Variants in RBFOX1 observed in about 807,000 individuals in gnomAD.
The protein encoded by RBFOX1 is RNA binding fox-1 homolog 1, also known as RNA binding protein fox-1 homolog 1.
Under a neutral mutation model 57.7 loss-of-function variants are expected in RBFOX1, and 8 were observed. The observed-to-expected ratio is 0.14, with a 90% CI of 0.08 to 0.25. The LOEUF is 0.25. RBFOX1 is among the 10% of genes least tolerant of loss of function. The probability of loss-of-function intolerance (pLI) is 1.00; values close to 1 mark genes in which losing one functional copy is unlikely to be tolerated. For synonymous variants in RBFOX1, 326 were observed against 222.4 expected, an observed-to-expected ratio of 1.47 and a Z score of -4.15; for missense variants, 611 against 548.5, an observed-to-expected ratio of 1.11 and a Z score of -1.14.
intron 3 of RBFOX1, among the ~76,000 whole-genome samples, chr16:6,731,193 G>A (rs752460143): frequency 3.3e-5 from 5 of 152,146 alleles, no homozygotes; most frequent in Non-Finnish European, 7.4e-5. Flanking sequence ...ATACAGGGAA[G>A]ATACATATCA....
chr16:6,738,212 A>T (rs1015706943), intron 3 of RBFOX1, among the ~76,000 whole-genome samples: 1 of 152,148 alleles, frequency 6.6e-6, no homozygotes, highest in Non-Finnish European at 1.5e-5. Flanking sequence ...ACTGTACATC[A>T]AATAGTAATG....
chr16:7,155,227 A>G (rs13380794), intron 4 of RBFOX1, among the ~76,000 whole-genome samples: 11 of 151,944 alleles, frequency 7.2e-5, no homozygotes, highest in African/African-American at 2.7e-4. Flanking sequence ...AAAAAAATTA[A>G]TTTTGAGAGA....
intron 3 of RBFOX1, among the ~76,000 whole-genome samples, chr16:6,952,642 C>T (rs1004865281): frequency 6.6e-6 from 1 of 151,710 alleles, no homozygotes. Flanking sequence ...TGTCTCCCTC[C>T]TCCCTCCAAA....
chr16:5,822,280 G>A (rs192557583), intron 3 of RBFOX1, among the ~76,000 whole-genome samples: 11 of 152,134 alleles, frequency 7.2e-5, no homozygotes, highest in African/African-American at 2.2e-4. Context: ...TGGGGACTTG[G>A]GGGGAATAGG....
At chr16:6,849,898 G>T (rs912354280) in intron 3 of RBFOX1, among the ~76,000 whole-genome samples, 1 of 152,172 alleles carries the variant, frequency 6.6e-6, no homozygotes. Context: ...ATAATTATTT[G>T]TGTGTGTATA....
intron 2 of RBFOX1, among the ~76,000 whole-genome samples, chr16:5,519,350 G>C (rs999407296): frequency 1.3e-5 from 2 of 152,172 alleles, no homozygotes; most frequent in African/African-American, 4.8e-5. Flanking sequence ...CTCTGAGATG[G>C]GGGATCTGTA....
intron 4 of RBFOX1, among the ~76,000 whole-genome samples, chr16:7,135,326 GA>G (rs1341798218): frequency 3.3e-5 from 5 of 152,200 alleles, no homozygotes; most frequent in African/African-American, 1.2e-4. Flanking sequence ...TTTGCAAGAG[GA>G]AATTTGTCAG....
intron 6 of RBFOX1, among the ~76,000 whole-genome samples, chr16:7,582,375 T>C (rs1031505158): frequency 6.6e-6 from 1 of 152,180 alleles, no homozygotes; most frequent in African/African-American, 2.4e-5. Context: ...GTAAATTTTG[T>C]CTATAAAAGT....
intron 3 of RBFOX1, among the ~76,000 whole-genome samples, chr16:6,920,344 C>T (rs900277215): frequency 6.6e-6 from 1 of 152,146 alleles, no homozygotes; most frequent in Non-Finnish European, 1.5e-5. Context: ...AAGTTCACTC[C>T]TGATATTGTC....
At chr16:5,649,782 A>T (rs757240046) in intron 3 of RBFOX1, among the ~76,000 whole-genome samples, 1 of 152,138 alleles carries the variant, frequency 6.6e-6, no homozygotes, top group South Asian at 2.1e-4. Context: ...TCACTCAACA[A>T]CTGCTTGTGT....
intron 3 of RBFOX1, among the ~76,000 whole-genome samples, chr16:5,647,583 C>A (rs2049094987): frequency 6.6e-6 from 1 of 152,168 alleles, no homozygotes; most frequent in Non-Finnish European, 1.5e-5. Flanking sequence ...TTCTCCTTTC[C>A]CTTTCCCCAT....
intron 4 of RBFOX1, among the ~76,000 whole-genome samples, chr16:7,073,190 G>A (rs1393222863): frequency 1.3e-5 from 2 of 152,182 alleles, no homozygotes; most frequent in Non-Finnish European, 1.5e-5. Flanking sequence ...TGTCTTTGTA[G>A]TCTGTGATCA....
chr16:6,566,790 T>C (rs531678472), intron 2 of RBFOX1, among the ~76,000 whole-genome samples: 7 of 152,320 alleles, frequency 4.6e-5, no homozygotes, highest in Admixed American at 6.5e-5. Flanking sequence ...GCTTACTGTT[T>C]TAATAAAAAT....
intron 12 of RBFOX1, among the ~76,000 whole-genome samples, chr16:7,654,770 G>T (rs1463492951): frequency 6.6e-6 from 1 of 152,184 alleles, no homozygotes; most frequent in East Asian, 1.9e-4. Context: ...CAAGGCAGTG[G>T]CCCTAGACCA....
intron 3 of RBFOX1, among the ~76,000 whole-genome samples, chr16:6,846,722 G>C (rs142220458): frequency 6.6e-6 from 1 of 152,252 alleles, no homozygotes; most frequent in Non-Finnish European, 1.5e-5. Context: ...ATAAGGCTGA[G>C]CTCTCAACAT....
intron 2 of RBFOX1, among the ~76,000 whole-genome samples, chr16:6,367,566 G>T (rs1327559457): frequency 6.6e-6 from 1 of 152,016 alleles, no homozygotes; most frequent in Non-Finnish European, 1.5e-5. Context: ...CAATGCGCCT[G>T]GCCCCTTCTT....
At chr16:5,701,787 A>G (rs1054175615) in intron 3 of RBFOX1, among the ~76,000 whole-genome samples, 1 of 152,184 alleles carries the variant, frequency 6.6e-6, no homozygotes, top group Non-Finnish European at 1.5e-5. Context: ...TGTCCGTGGC[A>G]TCCTTGAAAA....
intron 1 of RBFOX1, among the ~76,000 whole-genome samples, chr16:6,193,392 C>CATTATA (rs1555545384): frequency 6.7e-4 from 29 of 43,208 alleles, no homozygotes; most frequent in Non-Finnish European, 1.1e-3. Flanking sequence ...TATATATATA[C>CATTATA]TATATATATA....
intron 3 of RBFOX1, among the ~76,000 whole-genome samples, chr16:6,978,845 C>G (rs1474538425): frequency 6.6e-6 from 1 of 152,190 alleles, no homozygotes; most frequent in Non-Finnish European, 1.5e-5. Flanking sequence ...CAATCCCCTT[C>G]GCGCAGAGCT....
Sources: allele counts gnomAD v4.1 joint callset (sites outside exome capture counted in the v4.1 genomes callset), GRCh38; gene constraint gnomAD v4.1.1; transcripts MANE v1.5; gene names NCBI Gene and HGNC (gene_info 2026-07-23, HGNC 2026-07-21).